The following RBFOX1 variants were observed in gnomAD, a reference collection of about 807,000 sequenced individuals.
RBFOX1 encodes RNA binding fox-1 homolog 1.
RBFOX1 carries 8 observed loss-of-function variants against 57.7 expected under a neutral mutation model. The ratio of observed to expected loss-of-function variants is 0.14; its 90% CI spans 0.08 to 0.25. The LOEUF (loss-of-function observed/expected upper bound fraction) is 0.25. Ranked by LOEUF, RBFOX1 falls within the 10% of genes least tolerant of loss-of-function variation. The pLI, the probability that RBFOX1 is intolerant of heterozygous loss-of-function variation, is 1.00. For missense variants in RBFOX1, 611 were observed against 548.5 expected (o/e 1.11, Z -1.14); for synonymous variants, 326 against 222.4 (o/e 1.47, Z -4.15).
intron 2 of RBFOX1, among the ~76,000 whole-genome samples, chr16:6,640,762 C>T (rs1300263724): frequency 6.6e-6 from 1 of 152,208 alleles, no homozygotes; most frequent in African/African-American, 2.4e-5. Context: ...ATACAAGTTC[C>T]AGTTCTGGTT....
chr16:6,315,544 G>T (rs977506574), intron 1 of RBFOX1, among the ~76,000 whole-genome samples: 1 of 80,576 alleles, frequency 1.2e-5, no homozygotes, highest in Non-Finnish European at 3.0e-5. Flanking sequence ...TGGATGGATG[G>T]ATGGATGGAT....
chr16:5,656,012 T>G (rs929456961), intron 3 of RBFOX1, among the ~76,000 whole-genome samples: 2 of 152,248 alleles, frequency 1.3e-5, no homozygotes, highest in African/African-American at 4.8e-5. Context: ...GTGTTGGACT[T>G]GTAGTACGTG....
At chr16:6,241,954 G>C (rs2152927516) in intron 1 of RBFOX1, among the ~76,000 whole-genome samples, 1 of 152,264 alleles carries the variant, frequency 6.6e-6, no homozygotes, top group East Asian at 1.9e-4. Context: ...GATAAATTGG[G>C]AAAGGTCAGT....
intron 2 of RBFOX1, among the ~76,000 whole-genome samples, chr16:6,469,644 G>A (rs2095130088): frequency 6.6e-6 from 1 of 152,142 alleles, no homozygotes; most frequent in South Asian, 2.1e-4. Context: ...GGAATCACTG[G>A]CAACGTTCAC....
chr16:6,943,010 C>T (rs1046035229), intron 3 of RBFOX1, among the ~76,000 whole-genome samples: 6 of 152,200 alleles, frequency 3.9e-5, no homozygotes, highest in Non-Finnish European at 5.9e-5. Context: ...AAGGCTCTTC[C>T]TACCCAGACC....
chr16:6,852,048 CTT>C (rs2094100575), intron 3 of RBFOX1, among the ~76,000 whole-genome samples: 1 of 151,532 alleles, frequency 6.6e-6, no homozygotes, highest in South Asian at 2.1e-4. Flanking sequence ...GACTCAGTCT[CTT>C]GAGTAGCTGA....
intron 1 of RBFOX1, among the ~76,000 whole-genome samples, chr16:5,289,563 C>A (rs758760656): frequency 3.3e-5 from 5 of 152,160 alleles, no homozygotes; most frequent in Non-Finnish European, 7.4e-5. Context: ...TTCCAATTAC[C>A]TTCACTTCTT....
intron 2 of RBFOX1, among the ~76,000 whole-genome samples, chr16:5,491,303 G>C (rs1413185251): frequency 6.6e-6 from 1 of 152,036 alleles, no homozygotes; most frequent in Non-Finnish European, 1.5e-5. Context: ...CTAGCGACTC[G>C]GCAGCCACCC....
intron 2 of RBFOX1, among the ~76,000 whole-genome samples, chr16:6,564,775 A>T (rs944407342): frequency 5.9e-5 from 9 of 152,156 alleles, no homozygotes; most frequent in Admixed American, 1.3e-4. Flanking sequence ...TAATCATTAC[A>T]CAAGGCATAT....
At chr16:6,899,019 C>CGTATAA (rs59056535) in intron 3 of RBFOX1, among the ~76,000 whole-genome samples, 5 of 150,252 alleles carry the variant, frequency 3.3e-5, no homozygotes, top group African/African-American at 1.2e-4. Flanking sequence ...ATGCGCGTCT[C>CGTATAA]TGTGTGTGTG....
rs549405422 is a variant in RBFOX1 at position 6,645,513 on chromosome 16, G to A, written c.-63-9090G>A. Among the ~76,000 whole-genome samples, 6 of 152,214 alleles carry A rather than the reference G, an allele frequency of 3.9e-5. No individual in the cohort carries two copies. In the South Asian group the frequency reaches 8.3e-4, roughly 21 times the overall value. ...TTGCATTGTGGGCATGAATAACCCT[G>A]ACCTACAAAAATTATCAAAAACAAC... On this transcript the variant is annotated intron_variant, in intron 2 of 15. Coordinates refer to ENST00000550418, the MANE Select transcript of RBFOX1 (RefSeq NM_018723.4).
At chr16:6,497,094 A>G (rs917166452) in intron 2 of RBFOX1, among the ~76,000 whole-genome samples, 2 of 152,238 alleles carry the variant, frequency 1.3e-5, no homozygotes, top group African/African-American at 4.8e-5. Context: ...TCTCCATTTT[A>G]CAGATGAGGG....
chr16:6,981,704 G>C (rs577075103), intron 3 of RBFOX1, among the ~76,000 whole-genome samples: 2 of 152,234 alleles, frequency 1.3e-5, no homozygotes, highest in East Asian at 1.9e-4. Context: ...TGTCACATGA[G>C]AGTCAGTATC....
chr16:5,728,131 AATCTCAAAGAG>A (rs2052223202), intron 3 of RBFOX1, among the ~76,000 whole-genome samples: 1 of 152,264 alleles, frequency 6.6e-6, no homozygotes, highest in Non-Finnish European at 1.5e-5. Flanking sequence ...ATAAAATCAC[AATCTCAAAGAG>A]ATATCTGTGT....
At position 5,244,020 on chromosome 16, in the gene RBFOX1, C is replaced by T. The variant is rs533554480; in HGVS notation, c.219+3915C>T. 5.9e-5 allele frequency among the ~76,000 whole-genome samples: 9 copies of T among 152,178 alleles called. No homozygotes were observed. In the South Asian group the frequency reaches 6.2e-4, roughly 11 times the overall value. On this transcript the variant is annotated intron_variant, in intron 1 of 2. Transcript: ENST00000585867. ...CAAGTGATTCTCCTGCCTCAGCCTC[C>T]GGAGTAGCTGGGATTACAGGTCCCC...
intron 2 of RBFOX1, among the ~76,000 whole-genome samples, chr16:6,509,544 A>G (rs2096203322): frequency 1.3e-5 from 2 of 152,190 alleles, no homozygotes; most frequent in Non-Finnish European, 2.9e-5. Context: ...CAGGAAGGAT[A>G]GTGTGGAAGG....
intron 3 of RBFOX1, among the ~76,000 whole-genome samples, chr16:6,972,603 G>A (rs992017932): frequency 6.6e-6 from 1 of 152,104 alleles, no homozygotes; most frequent in African/African-American, 2.4e-5. Flanking sequence ...TCTGGGAGAA[G>A]TGGAGACATT....
chr16:6,823,998 A>G (rs1054008851), intron 3 of RBFOX1, among the ~76,000 whole-genome samples: 1 of 152,230 alleles, frequency 6.6e-6, no homozygotes, highest in South Asian at 2.1e-4. Flanking sequence ...AGCTGGCCCC[A>G]TGAATGAAAG....
rs368657762 is a variant in RBFOX1, at chr16:5,311,606, G to C, written c.219+71501G>C. The stretch of plus-strand genomic sequence containing the variant: ...TAATAATCATTCTTGCTGGAGTAAG[G>C]TGTATCTCATTGTGGTTTTATTTTG... On this transcript the variant is annotated intron_variant, in intron 1 of 2. Transcript: ENST00000585867. Among the ~76,000 whole-genome samples the C allele has an allele frequency of 3.4e-4, 52 of 152,124 alleles. 2 individuals are homozygous for C. The highest frequency in any genetic ancestry group is 7.3e-5 in the Non-Finnish European group (5 of 68,034).
Sources: allele counts gnomAD v4.1 joint callset (sites outside exome capture counted in the v4.1 genomes callset), GRCh38; gene constraint gnomAD v4.1.1; transcripts MANE v1.5; gene names NCBI Gene and HGNC (gene_info 2026-07-23, HGNC 2026-07-21).